Variants in FGF13 observed in about 807,000 individuals in gnomAD.
FGF13 encodes the protein fibroblast growth factor homologous factor 2.
A neutral mutation model predicts 19.5 loss-of-function variants in FGF13; 2 were observed. That is an observed-to-expected ratio of 0.10 (90% CI 0.04 to 0.32). FGF13 has a LOEUF of 0.32. FGF13 is among the 10% of genes least tolerant of loss of function. The pLI is 1.00. For missense variants in FGF13, 113 were observed against 192.7 expected, an observed-to-expected ratio of 0.59 and a Z score of 2.45; for synonymous variants, 72 against 76.9, an observed-to-expected ratio of 0.94 and a Z score of 0.33.
chrX:138,954,234 T>C (rs1224007651), intron 1 of FGF13, among the ~76,000 whole-genome samples: 1 of 111,498 alleles, frequency 9.0e-6, no homozygotes, highest in African/African-American at 3.3e-5. Context: ...TGAGTCTCTG[T>C]TGTATGACAA....
At chrX:138,994,163 C>A (rs2092031475) in intron 1 of FGF13, among the ~76,000 whole-genome samples, 1 of 111,458 alleles carries the variant, frequency 9.0e-6, no homozygotes, top group Admixed American at 9.6e-5. Context: ...TAGTCTGGAG[C>A]CTGAAAGTCC....
intron 1 of FGF13, among the ~76,000 whole-genome samples, chrX:138,970,742 T>C (rs2091912476): frequency 9.0e-6 from 1 of 111,188 alleles, no homozygotes; most frequent in African/African-American, 3.3e-5. Flanking sequence ...CAACAAGCCT[T>C]GCAGATTCTC....
chrX:139,190,915 A>G (rs1006048501), intron 1 of FGF13, among the ~76,000 whole-genome samples: 11 of 112,189 alleles, frequency 9.8e-5, no homozygotes, highest in African/African-American at 3.6e-4. Flanking sequence ...TTAATCAAGT[A>G]GTCCTTCATG....
chrX:139,086,505 G>A (rs1400591227), intron 1 of FGF13, among the ~76,000 whole-genome samples: 1 of 111,575 alleles, frequency 9.0e-6, no homozygotes, highest in East Asian at 2.8e-4. Flanking sequence ...TTTAGAAACA[G>A]TTAACACTAT....
At chrX:138,871,633 TAAG>T (rs1007232720) in intron 1 of FGF13, among the ~76,000 whole-genome samples, 4 of 112,235 alleles carry the variant, frequency 3.6e-5, no homozygotes, top group African/African-American at 6.5e-5. Flanking sequence ...AAGTCCTCAC[TAAG>T]AAGAAGACAT....
intron 3 of FGF13, among the ~76,000 whole-genome samples, chrX:138,781,968 G>A (rs769921623): frequency 5.3e-4 from 59 of 112,027 alleles, no homozygotes; most frequent in African/African-American, 1.9e-3. Context: ...CCATGTTCAA[G>A]TGGGCTTCAT....
Position 139,005,207 on chromosome X carries a change from C to G in FGF13, c.-112-140557G>C, listed in dbSNP as rs944083964. Among the ~76,000 whole-genome samples, 3 of 75,991 alleles carry G rather than the reference C, an allele frequency of 3.9e-5. 1 individual carries two copies. Among genetic ancestry groups the G allele is most frequent in the Non-Finnish European group, 9.0e-5 (3 of 33,172 alleles). The allele number at this position is 75,991 out of a possible 115,157, so 66.0% of individuals were successfully genotyped here. A position where few individuals can be genotyped will look rare whatever the true frequency, so the allele number is the denominator to read the frequency against. On this transcript the variant is annotated intron_variant, in intron 1 of 2. Transcript: ENST00000421460. ...CTTGTGTCACTGCCCCCCCCCCCCC[C>G]CCAGCTCCAGGTGGTACAGAACAGA...
intron 1 of FGF13, among the ~76,000 whole-genome samples, chrX:139,151,570 A>T (rs2083934705): frequency 8.9e-6 from 1 of 112,067 alleles, no homozygotes; most frequent in African/African-American, 3.2e-5. Flanking sequence ...GTTCAGTAAA[A>T]TTTTTTAAGA....
chrX:138,798,923 A>AT (rs990485538), intron 3 of FGF13, among the ~76,000 whole-genome samples: 10 of 110,686 alleles, frequency 9.0e-5, no homozygotes, highest in Non-Finnish European at 1.7e-4. Flanking sequence ...CCTCTTTATA[A>AT]TTTTTTTGTG....
chrX:138,861,669 T>C (rs2091288758), intron 2 of FGF13, among the ~76,000 whole-genome samples: 1 of 112,341 alleles, frequency 8.9e-6, no homozygotes, highest in Admixed American at 9.4e-5. Context: ...AAGCCTATCA[T>C]GTAGCCAGGA....
intron 1 of FGF13, among the ~76,000 whole-genome samples, chrX:138,921,803 TGA>T (rs753159653): frequency 9.1e-6 from 1 of 110,179 alleles, no homozygotes; most frequent in South Asian, 4.0e-4. Context: ...AAGAGATATC[TGA>T]GTGTGTGATA....
chrX:138,680,911 C>A (rs891897991), intron 3 of FGF13, among the ~76,000 whole-genome samples: 1 of 110,881 alleles, frequency 9.0e-6, no homozygotes, highest in Admixed American at 9.6e-5. Flanking sequence ...GTGGCTCACC[C>A]CTGTAATCCC....
intron 3 of FGF13, among the ~76,000 whole-genome samples, chrX:138,831,372 G>A (rs1425484600): frequency 9.0e-6 from 1 of 111,104 alleles, no homozygotes; most frequent in Non-Finnish European, 1.9e-5. Flanking sequence ...GAAAGCTACA[G>A]GCATGAGACT....
intron 2 of FGF13, among the ~76,000 whole-genome samples, chrX:138,863,726 G>A (rs2091301928): frequency 8.9e-6 from 1 of 111,833 alleles, no homozygotes; most frequent in African/African-American, 3.3e-5. Flanking sequence ...TAGGCACAAA[G>A]TAAATGGTAT....
intron 3 of FGF13, among the ~76,000 whole-genome samples, chrX:138,678,214 T>C: frequency 9.1e-6 from 1 of 109,848 alleles, no homozygotes. Context: ...CTGGGGACTG[T>C]TGTGGGGTGG....
At chrX:138,954,304 C>T (rs2091830458) in intron 1 of FGF13, among the ~76,000 whole-genome samples, 1 of 111,586 alleles carries the variant, frequency 9.0e-6, no homozygotes, top group East Asian at 2.8e-4. Context: ...TTACTGCCCA[C>T]ACAAAGTTGT....
chrX:138,881,283 A>C (rs1479698151), intron 1 of FGF13, among the ~76,000 whole-genome samples: 1 of 111,665 alleles, frequency 9.0e-6, no homozygotes, highest in East Asian at 2.8e-4. Context: ...TGCACCCTGC[A>C]ATTTTGCTCT....
intron 1 of FGF13, among the ~76,000 whole-genome samples, chrX:138,996,771 C>T (rs2092045059): frequency 8.9e-6 from 1 of 112,364 alleles, no homozygotes; most frequent in East Asian, 2.8e-4. Flanking sequence ...ACTTAAACAT[C>T]CCTGCCTGAC....
At chrX:139,000,633 T>G (rs1314656017) in intron 1 of FGF13, among the ~76,000 whole-genome samples, 1 of 111,336 alleles carries the variant, frequency 9.0e-6, no homozygotes, top group Non-Finnish European at 1.9e-5. Flanking sequence ...TTACAAGGGA[T>G]GTGAAGGACC....
Sources: gnomAD v4.1 joint callset for allele counts (sites outside exome capture counted in the v4.1 genomes callset) on GRCh38, gnomAD v4.1.1 for gene constraint, MANE v1.5 for transcripts, NCBI Gene and HGNC (gene_info 2026-07-23, HGNC 2026-07-21) for gene names.